Variants in DLG2 observed in about 807,000 individuals in gnomAD.
The protein encoded by DLG2 is discs large MAGUK scaffold protein 2.
DLG2 carries 45 observed loss-of-function variants against 132.5 expected under a neutral mutation model. The observed-to-expected ratio is 0.34, with a 90% CI of 0.27 to 0.44. DLG2 has a LOEUF of 0.44. Ranked by LOEUF, DLG2 falls within the 20% of genes least tolerant of loss-of-function variation. The pLI is 1.00. For missense variants in DLG2, 1,045 were observed against 1,196.9 expected (o/e 0.87, Z 1.87); for synonymous variants, 424 against 419.6 (o/e 1.01, Z -0.13).
chr11:83,746,424 G>A (rs926742014), intron 18 of DLG2, among the ~76,000 whole-genome samples: 1 of 152,120 alleles, frequency 6.6e-6, no homozygotes, highest in African/African-American at 2.4e-5. Context: ...CATGTCCTTT[G>A]TAGGGACATG....
intron 7 of DLG2, among the ~76,000 whole-genome samples, chr11:84,263,669 G>A (rs2097575566): frequency 6.6e-6 from 1 of 151,980 alleles, no homozygotes; most frequent in Non-Finnish European, 1.5e-5. Context: ...AAATCCCTCT[G>A]CCTTCATTTT....
chr11:85,434,697 A>C (rs1471221049), intron 3 of DLG2, among the ~76,000 whole-genome samples: 1 of 151,938 alleles, frequency 6.6e-6, no homozygotes, highest in Non-Finnish European at 1.5e-5. Context: ...CTACCAACCA[A>C]AAAAAGCCCA....
intron 4 of DLG2, among the ~76,000 whole-genome samples, chr11:85,228,840 T>C (rs1015516827): frequency 2.2e-4 from 33 of 151,822 alleles, no homozygotes; most frequent in African/African-American, 7.2e-4. Context: ...ATTATTATTA[T>C]AGTTGGATTT....
chr11:84,310,434 T>C (rs962403354), intron 7 of DLG2, among the ~76,000 whole-genome samples: 1 of 152,216 alleles, frequency 6.6e-6, no homozygotes, highest in Non-Finnish European at 1.5e-5. Flanking sequence ...GTCTCACACA[T>C]TGTGAACATG....
chr11:84,902,337 T>A (rs11234234), intron 6 of DLG2, among the ~76,000 whole-genome samples: 71,477 of 152,000 alleles, frequency 0.47, 17,303 homozygotes, highest in South Asian at 0.57. Context: ...TTTTATAAAG[T>A]ATCTGCTTAC....
At position 85,415,902 on chromosome 11, in the gene DLG2, T is replaced by G. The variant is rs1014886261; in HGVS notation, c.41-130537A>C. 6.6e-5 allele frequency among the ~76,000 whole-genome samples: 10 copies of G among 152,328 alleles called. No homozygotes were observed. In the East Asian group the frequency reaches 1.7e-3, roughly 26 times the overall value. On this transcript the variant is annotated intron_variant, in intron 3 of 27. Coordinates refer to ENST00000376104, the MANE Select transcript of DLG2 (RefSeq NM_001142699.3). ...AAATTTCATATGTCACTTTTGGGTT[T>G]TGTTGCCATTGCTTTTGGTGTTTTA...
chr11:83,516,469 T>C (rs2095298252), intron 21 of DLG2, among the ~76,000 whole-genome samples: 1 of 152,232 alleles, frequency 6.6e-6, no homozygotes, highest in African/African-American at 2.4e-5. Context: ...GGGTCTTGAC[T>C]GTTTATCCAA....
At chr11:84,524,456 G>T (rs918007403) in intron 7 of DLG2, among the ~76,000 whole-genome samples, 1 of 152,184 alleles carries the variant, frequency 6.6e-6, no homozygotes, top group Non-Finnish European at 1.5e-5. Flanking sequence ...TTCAGAATGC[G>T]TCTGTCAAGG....
intron 3 of DLG2, among the ~76,000 whole-genome samples, chr11:85,482,129 G>C (rs1163637287): frequency 1.3e-5 from 2 of 151,672 alleles, no homozygotes; most frequent in African/African-American, 4.8e-5. Flanking sequence ...CTAGCACCAA[G>C]CTGGATGCCA....
chr11:83,585,007 T>C (rs1278081681), intron 19 of DLG2, among the ~76,000 whole-genome samples: 12 of 152,226 alleles, frequency 7.9e-5, no homozygotes, highest in Admixed American at 2.0e-4. Flanking sequence ...TGTAACTGCT[T>C]CTGTGCTTTA....
At chr11:84,562,225 A>G (rs534767444) in intron 6 of DLG2, among the ~76,000 whole-genome samples, 1 of 152,242 alleles carries the variant, frequency 6.6e-6, no homozygotes, top group South Asian at 2.1e-4. Context: ...TAGACTAAAT[A>G]ATGACTACCA....
chr11:83,662,550 A>T (rs1272304529), intron 18 of DLG2, among the ~76,000 whole-genome samples: 1 of 152,230 alleles, frequency 6.6e-6, no homozygotes, highest in Non-Finnish European at 1.5e-5. Context: ...GCATCAATAC[A>T]TTAACTCAAT....
intron 8 of DLG2, among the ~76,000 whole-genome samples, chr11:84,191,419 A>G (rs2154291103): frequency 6.6e-6 from 1 of 152,308 alleles, no homozygotes; most frequent in South Asian, 2.1e-4. Flanking sequence ...TTTTAAAAGG[A>G]AAGAATGCCA....
Position 84,879,198 on chromosome 11 carries a change from ATC to A in DLG2, c.357+232461_357+232462del, listed in dbSNP as rs2086894185. 2.0e-5 allele frequency among the ~76,000 whole-genome samples: 3 copies of A among 152,152 alleles called. No homozygotes were observed. In the East Asian group the frequency reaches 5.8e-4, roughly 29 times the overall value. ...CAATCACTCTAATGGCTGCAAGTCA[ATC>A]ACCAAAGATAAGTTGCTTCTTTAAT... On this transcript the variant is annotated intron_variant, in intron 6 of 27. Coordinates refer to ENST00000376104, the MANE Select transcript of DLG2 (RefSeq NM_001142699.3).
chr11:84,485,681 A>C (rs530443315), intron 7 of DLG2, among the ~76,000 whole-genome samples: 1 of 152,300 alleles, frequency 6.6e-6, no homozygotes, highest in African/African-American at 2.4e-5. Flanking sequence ...TGAGAAGTAA[A>C]TACATCAACA....
At chr11:83,946,339 A>C (rs1025820403) in intron 14 of DLG2, among the ~76,000 whole-genome samples, 6 of 152,176 alleles carry the variant, frequency 3.9e-5, no homozygotes. Context: ...AATTTAAGAC[A>C]GTGATTCCCA....
chr11:84,093,601 G>A (rs1179581399), intron 10 of DLG2, among the ~76,000 whole-genome samples: 1 of 151,904 alleles, frequency 6.6e-6, no homozygotes, highest in South Asian at 2.1e-4. Flanking sequence ...ATCTTGGGGA[G>A]TGGCATTTTT....
chr11:83,709,535 A>G (rs951207809), intron 18 of DLG2, among the ~76,000 whole-genome samples: 4 of 152,034 alleles, frequency 2.6e-5, no homozygotes, highest in African/African-American at 9.7e-5. Context: ...CAATCATTAC[A>G]TTTACCACCC....
At chr11:84,847,789 C>A (rs2081662322) in intron 6 of DLG2, among the ~76,000 whole-genome samples, 1 of 152,116 alleles carries the variant, frequency 6.6e-6, no homozygotes, top group African/African-American at 2.4e-5. Context: ...CCACAGACCT[C>A]AGATTCTAAT....
Sources: allele counts gnomAD v4.1 joint callset (sites outside exome capture counted in the v4.1 genomes callset), GRCh38; gene constraint gnomAD v4.1.1; transcripts MANE v1.5; gene names NCBI Gene and HGNC (gene_info 2026-07-23, HGNC 2026-07-21).